The following ELAPOR2 variants were observed in gnomAD, a reference collection of about 807,000 sequenced individuals.
ELAPOR2 encodes the protein endosome/lysosome-associated apoptosis and autophagy regulator family member 2.
ELAPOR2 carries 89 observed loss-of-function variants against 120.7 expected under a neutral mutation model. That is an observed-to-expected ratio of 0.74 (90% CI 0.62 to 0.88). ELAPOR2 has a LOEUF of 0.88. Ranked by LOEUF, ELAPOR2 falls within the 40% of genes least tolerant of loss-of-function variation. The pLI is 0.00. For synonymous variants in ELAPOR2, 444 were observed against 444.9 expected, an observed-to-expected ratio of 1.00 and a Z score of 0.03; for missense variants, 1,134 against 1,251.6, an observed-to-expected ratio of 0.91 and a Z score of 1.42.
At chr7:86,934,662 C>G (rs191434978) in intron 8 of ELAPOR2, among the ~76,000 whole-genome samples, 1 of 152,046 alleles carries the variant, frequency 6.6e-6, no homozygotes, top group African/African-American at 2.4e-5. Flanking sequence ...GATCTCCCTG[C>G]AAACTTTTAC....
At chr7:86,942,173 GCA>G (rs1790827713) in intron 4 of ELAPOR2, 69 bp from the exon 5 acceptor site, 6 of 849,798 alleles carry the variant, frequency 7.1e-6, no homozygotes, top group Non-Finnish European at 1.2e-5. Flanking sequence ...TCTGTACCCA[GCA>G]CAGACTGCAA....
chr7:86,936,019 T>C (rs1790546760), intron 8 of ELAPOR2, among the ~76,000 whole-genome samples: 1 of 152,058 alleles, frequency 6.6e-6, no homozygotes, highest in African/African-American at 2.4e-5. Flanking sequence ...TGGTAATGTT[T>C]GGAATCTATA....
At chr7:86,993,019 C>T (rs748641531) in intron 1 of ELAPOR2, among the ~76,000 whole-genome samples, 15 of 151,992 alleles carry the variant, frequency 9.9e-5, no homozygotes, top group East Asian at 3.9e-4. Flanking sequence ...GGGTGGATCA[C>T]GAGGTCAAGA....
At chr7:87,041,855 T>A (rs1014578653) in intron 1 of ELAPOR2, among the ~76,000 whole-genome samples, 35 of 151,934 alleles carry the variant, frequency 2.3e-4, no homozygotes, top group East Asian at 3.9e-4. Context: ...GTGTGCTGTA[T>A]TCAGGAAACC....
rs55859925 is a variant in ELAPOR2, at chr7:86,883,023, G to GGTGTGTGT, written c.3031-2501_3031-2494dup. Among the ~76,000 whole-genome samples, 775 of 141,548 alleles carry GGTGTGTGT rather than the reference G, an allele frequency of 5.5e-3. 5 individuals carry two copies. Among genetic ancestry groups the GGTGTGTGT allele is most frequent in the African/African-American group, 0.017 (632 of 38,214 alleles). 92.9% of individuals were successfully genotyped at this position (141,548 alleles called of 152,430 possible). ...ACATACTGGATGATCGTTTGAAAGG[G>GGTGTGTGT]GTGTGTGTGTGTGTGTGTGTGTGTG... is the stretch of plus-strand genomic sequence containing the variant. On this transcript the variant is annotated intron_variant, in intron 21 of 21. Coordinates refer to ENST00000450689, the MANE Select transcript of ELAPOR2 (RefSeq NM_001142749.3).
intron 21 of ELAPOR2, among the ~76,000 whole-genome samples, chr7:86,885,954 T>C (rs927707773): frequency 5.3e-5 from 8 of 151,704 alleles, no homozygotes; most frequent in African/African-American, 1.9e-4. Context: ...ACCCCAGGAG[T>C]TTCCAACTGC....
Position 86,897,625 on chromosome 7 carries a change from G to A in ELAPOR2, c.2566C>T (p.Pro856Ser). 1 of 1,613,004 alleles carries A rather than the reference G, an allele frequency of 6.2e-7. No individual in the cohort carries two copies. The highest frequency in any genetic ancestry group is 8.5e-7 in the Non-Finnish European group (1 of 1,179,356). Residue 856 changes from proline (P) to serine (S), a missense_variant, in exon 19 of 22, where the codon CCA becomes TCA. Physicochemically the swap from Pro to Ser is moderately conservative, Grantham distance 74. Coordinates refer to ENST00000450689, the MANE Select transcript of ELAPOR2 (RefSeq NM_001142749.3). ...AGVISVPSKC[P>S]AGTCDGCTFY... ...GTACACCCATCACAGGTACCTGCTG[G>A]GCACTTGCTAAAATCATAAACAAAA...
intron 1 of ELAPOR2, among the ~76,000 whole-genome samples, chr7:87,050,534 T>G (rs181507634): frequency 5.2e-4 from 79 of 152,264 alleles, no homozygotes; most frequent in African/African-American, 1.8e-3. Context: ...GCACTGTGCT[T>G]CCTATAAAGC....
At chr7:86,915,174 G>A (rs1203278115) in intron 12 of ELAPOR2, among the ~76,000 whole-genome samples, 1 of 151,850 alleles carries the variant, frequency 6.6e-6, no homozygotes, top group African/African-American at 2.4e-5. Context: ...GATCTGGCTT[G>A]GGATATATAC....
chr7:86,947,059 T>C lies in ELAPOR2; in HGVS notation c.506+668A>G, dbSNP rs1791040781. ...ATTCCCCAGCATCCTTAGCTTATGG[T>C]AAAAATGTGGGGTTCCTGAGAGGCT... On this transcript the variant is annotated intron_variant, in intron 3 of 21. Coordinates refer to ENST00000450689, the MANE Select transcript of ELAPOR2 (RefSeq NM_001142749.3). 8.5e-5 allele frequency among the ~76,000 whole-genome samples: 13 copies of C among 152,144 alleles called. No homozygotes were observed. The South Asian group carries it at 2.7e-3, about 31-fold the overall frequency.
chr7:86,904,769 T>G (rs540834466), intron 18 of ELAPOR2, among the ~76,000 whole-genome samples: 1 of 152,196 alleles, frequency 6.6e-6, no homozygotes, highest in Non-Finnish European at 1.5e-5. Context: ...TTCCCAGGTC[T>G]GGGGATCTTA....
intron 1 of ELAPOR2, among the ~76,000 whole-genome samples, chr7:87,036,545 T>C (rs923893989): frequency 2.6e-5 from 4 of 152,086 alleles, no homozygotes; most frequent in Non-Finnish European, 4.4e-5. Context: ...GTGACCATCA[T>C]TGGTGGATTA....
At chr7:86,905,068 A>AAG (rs1250798852) in intron 18 of ELAPOR2, among the ~76,000 whole-genome samples, 2 of 140,952 alleles carry the variant, frequency 1.4e-5, no homozygotes, top group African/African-American at 2.7e-5. Flanking sequence ...AGACAGAGAG[A>AAG]GAGAAGGAAG....
intron 17 of ELAPOR2, 80 bp from the exon 18 acceptor site, chr7:86,907,851 C>G: frequency 1.4e-6 from 1 of 698,396 alleles, no homozygotes. Context: ...TAATTGCTCT[C>G]AGACTTCATG....
At chr7:86,924,745 CT>C (rs375956879) in intron 10 of ELAPOR2, among the ~76,000 whole-genome samples, 8,527 of 146,500 alleles carry the variant, frequency 0.058, 818 homozygotes, top group African/African-American at 0.2. Context: ...ATGACTCAAG[CT>C]TTTTTTTTTG....
chr7:86,929,364 C>G (rs1790222992), intron 8 of ELAPOR2, among the ~76,000 whole-genome samples: 1 of 151,984 alleles, frequency 6.6e-6, no homozygotes, highest in East Asian at 1.9e-4. Flanking sequence ...GGTCTACCAA[C>G]TGACCCTAAC....
chr7:86,887,728 T>C (rs527569356), intron 21 of ELAPOR2, among the ~76,000 whole-genome samples: 3 of 152,044 alleles, frequency 2.0e-5, no homozygotes, highest in Non-Finnish European at 4.4e-5. Context: ...AGAAAGTGAC[T>C]CAAAAAGATT....
At chr7:86,980,195 G>A (rs1024376) in intron 1 of ELAPOR2, among the ~76,000 whole-genome samples, 57,558 of 152,062 alleles carry the variant, frequency 0.38, 11,738 homozygotes, top group African/African-American at 0.53. Context: ...ACTCTGGTAC[G>A]TTTTAGAATA....
chr7:86,891,680 C>T (rs1788165063), intron 21 of ELAPOR2, 44 bp downstream of exon 21: 2 of 1,558,772 alleles, frequency 1.3e-6, no homozygotes, highest in East Asian at 2.3e-5. Context: ...ATGCCCTCTA[C>T]TTTATAAACA....
Sources: gnomAD v4.1 joint callset for allele counts (sites outside exome capture counted in the v4.1 genomes callset) on GRCh38, gnomAD v4.1.1 for gene constraint, MANE v1.5 for transcripts, NCBI Gene and HGNC (gene_info 2026-07-23, HGNC 2026-07-21) for gene names.